The following CNTNAP2 variants were observed in gnomAD, a reference collection of about 807,000 sequenced individuals.
CNTNAP2 encodes contactin associated protein 2, also known as contactin-associated protein-like 2.
Under a neutral mutation model 155.2 loss-of-function variants are expected in CNTNAP2, and 98 were observed. That is an observed-to-expected ratio of 0.63 (90% CI 0.54 to 0.75). The LOEUF (loss-of-function observed/expected upper bound fraction) is 0.75, where lower values mean the gene tolerates loss of function less well. Ranked by LOEUF, CNTNAP2 falls within the 30% of genes least tolerant of loss-of-function variation. The pLI is 0.00. For missense variants in CNTNAP2, 1,727 were observed against 1,688.1 expected, an observed-to-expected ratio of 1.02 and a Z score of -0.40; for synonymous variants, 651 against 631.2, an observed-to-expected ratio of 1.03 and a Z score of -0.47.
chr7:147,733,705 T>C (rs2116471431), intron 13 of CNTNAP2, among the ~76,000 whole-genome samples: 1 of 152,282 alleles, frequency 6.6e-6, no homozygotes, highest in South Asian at 2.1e-4. Context: ...TGAACAATGG[T>C]TTGTAGTTCT....
chr7:146,974,641 TAG>T (rs1797871369), intron 3 of CNTNAP2, among the ~76,000 whole-genome samples: 1 of 152,148 alleles, frequency 6.6e-6, no homozygotes, highest in African/African-American at 2.4e-5. Context: ...TCTTCACATT[TAG>T]TAAAAGCATA....
chr7:148,096,541 G>A (rs923829999), intron 15 of CNTNAP2, among the ~76,000 whole-genome samples: 4 of 152,054 alleles, frequency 2.6e-5, no homozygotes, highest in African/African-American at 9.7e-5. Context: ...AAACAGGGGT[G>A]AATATTCATG....
chr7:146,497,581 A>G (rs1458740937), intron 1 of CNTNAP2, among the ~76,000 whole-genome samples: 1 of 151,824 alleles, frequency 6.6e-6, no homozygotes, highest in Non-Finnish European at 1.5e-5. Context: ...CATAATCCAT[A>G]TTCATTCTAT....
At chr7:147,770,371 A>G (rs1797451608) in intron 13 of CNTNAP2, among the ~76,000 whole-genome samples, 1 of 152,232 alleles carries the variant, frequency 6.6e-6, no homozygotes, top group South Asian at 2.1e-4. Flanking sequence ...AAGATGAGAA[A>G]AAACAAAAGA....
At chr7:146,871,436 A>G (rs1795304972) in intron 3 of CNTNAP2, among the ~76,000 whole-genome samples, 1 of 152,088 alleles carries the variant, frequency 6.6e-6, no homozygotes, top group South Asian at 2.1e-4. Flanking sequence ...AGGCTGAGAT[A>G]GGAGAATTGC....
chr7:147,312,120 A>C (rs2116797728), intron 9 of CNTNAP2, among the ~76,000 whole-genome samples: 1 of 152,274 alleles, frequency 6.6e-6, no homozygotes, highest in Non-Finnish European at 1.5e-5. Context: ...GTAATTAAAT[A>C]GAGCTTTTGC....
intron 20 of CNTNAP2, among the ~76,000 whole-genome samples, chr7:148,247,524 T>C (rs1326077799): frequency 6.6e-6 from 1 of 152,054 alleles, no homozygotes; most frequent in Non-Finnish European, 1.5e-5. Context: ...TCCCCACATC[T>C]TTGTTTTTCT....
At chr7:146,221,372 T>G (rs802533) in intron 1 of CNTNAP2, among the ~76,000 whole-genome samples, 134,239 of 152,146 alleles carry the variant, frequency 0.88, 59,526 homozygotes, top group East Asian at 0.99. Flanking sequence ...TTAAATATAC[T>G]TTTAAATATA....
At chr7:147,886,199 G>A (rs994186221) in intron 13 of CNTNAP2, among the ~76,000 whole-genome samples, 9 of 152,238 alleles carry the variant, frequency 5.9e-5, no homozygotes, top group Middle Eastern at 3.4e-3. Context: ...CTGGCTGGGC[G>A]CAGTGGCTCA....
chr7:146,279,962 TATC>T (rs1451513298), intron 1 of CNTNAP2, among the ~76,000 whole-genome samples: 1 of 151,316 alleles, frequency 6.6e-6, no homozygotes, highest in Admixed American at 6.6e-5. Flanking sequence ...TTACTATACG[TATC>T]ATATTATGAA....
At chr7:147,316,269 T>G (rs750748841) in intron 9 of CNTNAP2, among the ~76,000 whole-genome samples, 1 of 151,982 alleles carries the variant, frequency 6.6e-6, no homozygotes, top group Non-Finnish European at 1.5e-5. Flanking sequence ...GATAAAAATG[T>G]AGGAAAAAAA....
chr7:146,479,814 T>G (rs1796932961), intron 1 of CNTNAP2, among the ~76,000 whole-genome samples: 1 of 152,146 alleles, frequency 6.6e-6, no homozygotes, highest in South Asian at 2.1e-4. Flanking sequence ...AGACAGAGTC[T>G]TGCTCTGTCC....
intron 1 of CNTNAP2, among the ~76,000 whole-genome samples, chr7:146,615,383 A>G (rs1663155855): frequency 6.6e-6 from 1 of 152,196 alleles, no homozygotes; most frequent in African/African-American, 2.4e-5. Context: ...CACTAGATTA[A>G]CCAATGTGCT....
intron 20 of CNTNAP2, among the ~76,000 whole-genome samples, chr7:148,246,568 T>C (rs1468215960): frequency 6.6e-6 from 1 of 151,118 alleles, no homozygotes; most frequent in African/African-American, 2.4e-5. Flanking sequence ...ACAATCACAA[T>C]TTGAGCAAAC....
intron 11 of CNTNAP2, among the ~76,000 whole-genome samples, chr7:147,491,185 A>T (rs1198707470): frequency 6.6e-6 from 1 of 152,156 alleles, no homozygotes; most frequent in Non-Finnish European, 1.5e-5. Flanking sequence ...GCCAGGTCCT[A>T]CGTAATATGG....
chr7:146,399,388 C>G (rs575514020), intron 1 of CNTNAP2, among the ~76,000 whole-genome samples: 7 of 152,224 alleles, frequency 4.6e-5, no homozygotes, highest in African/African-American at 1.4e-4. Flanking sequence ...TAGTTTGACA[C>G]TTTTATGACT....
intron 1 of CNTNAP2, among the ~76,000 whole-genome samples, chr7:146,319,028 G>A (rs1800956628): frequency 6.6e-6 from 1 of 152,010 alleles, no homozygotes; most frequent in Non-Finnish European, 1.5e-5. Context: ...TACGCCCACT[G>A]TCACAGATCC....
chr7:146,412,715 G>T (rs1795883334), intron 1 of CNTNAP2, among the ~76,000 whole-genome samples: 1 of 152,154 alleles, frequency 6.6e-6, no homozygotes, highest in African/African-American at 2.4e-5. Context: ...GTGATATCTT[G>T]CTTCGAATTA....
chr7:146,452,106 A>C (rs564892376), intron 1 of CNTNAP2, among the ~76,000 whole-genome samples: 4 of 151,572 alleles, frequency 2.6e-5, no homozygotes, highest in African/African-American at 7.3e-5. Flanking sequence ...ACGGGGTTTC[A>C]CCATATTAGC....
Sources: allele counts gnomAD v4.1 joint callset (sites outside exome capture counted in the v4.1 genomes callset), GRCh38; gene constraint gnomAD v4.1.1; transcripts MANE v1.5; gene names NCBI Gene and HGNC (gene_info 2026-07-23, HGNC 2026-07-21).